STAMBPL1: variants seen among roughly 807,000 people sequenced by gnomAD.
The protein encoded by STAMBPL1 is AMSH-like protease.
Under a neutral mutation model 52.9 loss-of-function variants are expected in STAMBPL1, and 44 were observed. The observed-to-expected ratio is 0.83, with a 90% confidence interval of 0.65 to 1.07. The LOEUF (loss-of-function observed/expected upper bound fraction) is 1.07, where lower values mean the gene tolerates loss of function less well. Among genes scored for constraint, STAMBPL1 ranks in the 50% least tolerant of loss-of-function variants. STAMBPL1 has a pLI of 0.00. For synonymous variants in STAMBPL1, 164 were observed against 177.3 expected (o/e 0.92, Z 0.60); for missense variants, 511 against 520.8 (o/e 0.98, Z 0.18).
chr10:88,913,397 T>A lies in STAMBPL1; in HGVS notation c.717T>A (p.Ala239=). The A allele has an allele frequency of 6.2e-7, 1 of 1,613,756 alleles. No homozygotes were observed. Among genetic ancestry groups the A allele is most frequent in the Non-Finnish European group, 8.5e-7 (1 of 1,179,788 alleles). ...ATAAAAGTGATGCAACCAATTATGC[T>A]AGCCACTCTCCTCCTGTAAACAGGG... ...QPNKSDATNY[A]SHSPPVNRAL... is the part of the protein sequence containing the mutation. Residue 239 remains alanine (A), a synonymous_variant, in exon 6 of 11, where the codon GCT becomes GCA. Coordinates refer to ENST00000371926, the MANE Select transcript of STAMBPL1 (RefSeq NM_020799.4).
At chr10:88,892,529 C>T (rs1366339008) in intron 1 of STAMBPL1, among the ~76,000 whole-genome samples, 1 of 152,176 alleles carries the variant, frequency 6.6e-6, no homozygotes, top group Non-Finnish European at 1.5e-5. Flanking sequence ...ATTTGGACAG[C>T]AGATGACCAC....
chr10:88,888,150 A>G (rs1276612164), intron 1 of STAMBPL1, among the ~76,000 whole-genome samples: 1 of 152,144 alleles, frequency 6.6e-6, no homozygotes, highest in Non-Finnish European at 1.5e-5. Flanking sequence ...AGTGACAGAT[A>G]TTTGGATAGG....
In STAMBPL1 at chr10:88,913,089, C is replaced by A; in HGVS notation, c.421-12C>A. 6.4e-7 allele frequency: 1 copy of A among 1,559,722 alleles called. No individual in the cohort carries two copies. Among genetic ancestry groups the A allele is most frequent in the Non-Finnish European group, 8.7e-7 (1 of 1,154,740 alleles). On this transcript the variant is annotated splice_polypyrimidine_tract_variant and intron_variant, in intron 5 of 10. Transcript: ENST00000371926. ...GAAACTAACCTTCTCTTCTGGCTGC[C>A]ACACTTTTTAGAACAAATATAAAGC...
At chr10:88,882,384 T>C (rs549153459) in intron 1 of STAMBPL1, 2 of 152,302 alleles carry the variant, frequency 1.3e-5, no homozygotes, top group African/African-American at 4.8e-5. Flanking sequence ...TTATAAAGAA[T>C]TGTTAGTAAT....
chr10:88,920,459 G>A (rs1321535180), intron 8 of STAMBPL1, among the ~76,000 whole-genome samples: 2 of 152,168 alleles, frequency 1.3e-5, no homozygotes, highest in Non-Finnish European at 2.9e-5. Context: ...ATGGAGTCAG[G>A]ACCTAGAGAG....
At chr10:88,902,977 G>A (rs1226216119) in intron 2 of STAMBPL1, among the ~76,000 whole-genome samples, 1 of 152,168 alleles carries the variant, frequency 6.6e-6, no homozygotes, top group Non-Finnish European at 1.5e-5. Flanking sequence ...CTGTCCCCAT[G>A]TTGTTGTTCC....
intron 2 of STAMBPL1, among the ~76,000 whole-genome samples, chr10:88,903,767 G>C (rs946854624): frequency 6.6e-6 from 1 of 152,178 alleles, no homozygotes; most frequent in South Asian, 2.1e-4. Context: ...ACTGAAGCCC[G>C]AGGCTCAAAG....
intron 1 of STAMBPL1, among the ~76,000 whole-genome samples, chr10:88,892,341 TGTGTGC>T (rs1322364129): frequency 2.4e-5 from 3 of 127,392 alleles, no homozygotes; most frequent in African/African-American, 6.3e-5. Flanking sequence ...TGTGTCTGTG[TGTGTGC>T]GTGTGCGTGT....
At chr10:88,907,087 T>C (rs1589368602) in intron 3 of STAMBPL1, among the ~76,000 whole-genome samples, 1 of 152,224 alleles carries the variant, frequency 6.6e-6, no homozygotes, top group South Asian at 2.1e-4. Context: ...ATTCAACTAT[T>C]TTAGATTCCT....
intron 1 of STAMBPL1, among the ~76,000 whole-genome samples, chr10:88,893,377 A>G (rs1179616318): frequency 1.3e-5 from 2 of 152,220 alleles, no homozygotes; most frequent in African/African-American, 2.4e-5. Flanking sequence ...TAGAATAATT[A>G]TGGATTTGAA....
chr10:88,909,599 A>C (rs1203479311), intron 4 of STAMBPL1, among the ~76,000 whole-genome samples: 1 of 151,938 alleles, frequency 6.6e-6, no homozygotes, highest in Non-Finnish European at 1.5e-5. Context: ...CATCTACATT[A>C]TTTATTTATT....
chr10:88,890,856 G>A (rs1289346217), intron 1 of STAMBPL1, among the ~76,000 whole-genome samples: 1 of 152,168 alleles, frequency 6.6e-6, no homozygotes, highest in Non-Finnish European at 1.5e-5. Flanking sequence ...GTTTGGACAA[G>A]GGTTTCCTCA....
rs147984565 is a variant in STAMBPL1, at chr10:88,885,092, A to C, written c.-54+4454A>C. On this transcript the variant is annotated intron_variant, in intron 1 of 10. Transcript: ENST00000371926. ...CCATTTTGCAGATTAAAAAATGTGC[A>C]AATGAGCTATGTGAATTGCTCAGCA... Among the ~76,000 whole-genome samples, 287 of 152,368 alleles carry C rather than the reference A, an allele frequency of 1.9e-3. 1 individual carries two copies. The highest frequency in any genetic ancestry group is 6.5e-3 in the African/African-American group (271 of 41,592).
At chr10:88,904,217 A>G (rs898522384) in intron 2 of STAMBPL1, among the ~76,000 whole-genome samples, 1 of 152,210 alleles carries the variant, frequency 6.6e-6, no homozygotes, top group Non-Finnish European at 1.5e-5. Context: ...AGCATCCAGC[A>G]ATGGTAGAAG....
At chr10:88,885,756 T>C (rs1844516142) in intron 1 of STAMBPL1, among the ~76,000 whole-genome samples, 1 of 152,234 alleles carries the variant, frequency 6.6e-6, no homozygotes, top group African/African-American at 2.4e-5. Context: ...AGTAATTATG[T>C]CTAATTATAA....
intron 8 of STAMBPL1, among the ~76,000 whole-genome samples, chr10:88,918,197 G>T (rs1845417063): frequency 6.6e-6 from 1 of 152,022 alleles, no homozygotes; most frequent in African/African-American, 2.4e-5. Flanking sequence ...ACATTCTGGG[G>T]ACCTCCAAGT....
chr10:88,895,619 T>A (rs1328981920), intron 1 of STAMBPL1, among the ~76,000 whole-genome samples: 1 of 152,246 alleles, frequency 6.6e-6, no homozygotes, highest in Non-Finnish European at 1.5e-5. Context: ...ATTACCTCAT[T>A]TAAGCTTTAG....
intron 1 of STAMBPL1, among the ~76,000 whole-genome samples, chr10:88,894,112 C>A (rs1844752700): frequency 6.6e-6 from 1 of 152,146 alleles, no homozygotes; most frequent in Non-Finnish European, 1.5e-5. Flanking sequence ...GTTTTACAAG[C>A]ATTATCTCAC....
At chr10:88,913,842 GC>G (rs1296516157) in intron 6 of STAMBPL1, among the ~76,000 whole-genome samples, 2 of 152,098 alleles carry the variant, frequency 1.3e-5, no homozygotes, top group Non-Finnish European at 2.9e-5. Context: ...CTAGACCTTT[GC>G]TCAGCAATAA....
Sources: allele counts gnomAD v4.1 joint callset (sites outside exome capture counted in the v4.1 genomes callset), GRCh38; gene constraint gnomAD v4.1.1; transcripts MANE v1.5; gene names NCBI Gene and HGNC (gene_info 2026-07-23, HGNC 2026-07-21).